Variants in HMCN2 observed in about 807,000 individuals in gnomAD.
The protein encoded by HMCN2 is hemicentin-2.
Under a neutral mutation model 377.5 loss-of-function variants are expected in HMCN2, and 325 were observed. The ratio of observed to expected loss-of-function variants is 0.86; its 90% CI spans 0.79 to 0.94. The LOEUF is 0.94. HMCN2 is among the 40% of genes least tolerant of loss of function. The probability of loss-of-function intolerance (pLI) is 0.00; values close to 1 mark genes in which losing one functional copy is unlikely to be tolerated. For synonymous variants in HMCN2, 2,007 were observed against 2,046.8 expected (o/e 0.98, Z 0.53); for missense variants, 4,543 against 4,725.3 (o/e 0.96, Z 1.13).
rs990174601 is a variant in HMCN2, at chr9:130,422,994, T to C, written c.13381+268T>C. Among the ~76,000 whole-genome samples, 1 of 151,954 alleles carries C rather than the reference T, an allele frequency of 6.6e-6. No homozygotes were observed. The highest frequency in any genetic ancestry group is 1.5e-5 in the Non-Finnish European group (1 of 67,960). On this transcript the variant is annotated intron_variant, in intron 87 of 97. Transcript: ENST00000683500. The surrounding 1 kb of genome is among the most constrained non-coding windows in gnomAD (Gnocchi z 4.2). Reference sequence around the variant, plus strand: ...GACCAAGAGTGTGTGAAACGGTCAGTGTTCTGGGGGTGCGGGCGCTCAGAT... The same window carrying C: ...GACCAAGAGTGTGTGAAACGGTCAGCGTTCTGGGGGTGCGGGCGCTCAGAT...
Position 130,306,104 on chromosome 9 carries a change from C to G in HMCN2, c.1817-25C>G, listed in dbSNP as rs1206458428. 3.0e-5 allele frequency: 14 copies of G among 470,626 alleles called. 1 individual carries two copies. Among genetic ancestry groups the G allele is most frequent in the Non-Finnish European group, 6.2e-5 (14 of 226,790 alleles). The allele number at this position is 470,626 out of a possible 1,614,324, so 29.2% of individuals were successfully genotyped here. Reference sequence around the variant, plus strand: ...ACGGCTGCTCTGATGGGCTCATCCTCGCCTATCCACTTTTTGGGTCACAGA... The same window carrying G: ...ACGGCTGCTCTGATGGGCTCATCCTGGCCTATCCACTTTTTGGGTCACAGA... On this transcript the variant is annotated intron_variant, in intron 11 of 97. Transcript: ENST00000683500.
At chr9:130,291,993 G>C (rs1018245653) in intron 4 of HMCN2, among the ~76,000 whole-genome samples, 1 of 148,522 alleles carries the variant, frequency 6.7e-6, no homozygotes, top group Non-Finnish European at 1.5e-5. Context: ...GGATTCTTCT[G>C]ATTATTTCCT....
chr9:130,345,689 G>A (rs1839357044), intron 25 of HMCN2, among the ~76,000 whole-genome samples: 1 of 151,932 alleles, frequency 6.6e-6, no homozygotes, highest in East Asian at 1.9e-4. Flanking sequence ...GCCCCTGGCG[G>A]TGGGACATTC....
In HMCN2 at chr9:130,396,158, C is replaced by A. The variant is rs775941278; in HGVS notation, c.11054-11C>A. 3.9e-5 allele frequency: 49 copies of A among 1,259,568 alleles called. 1 individual carries two copies. In the South Asian group the frequency reaches 6.0e-4, roughly 16 times the overall value. The allele number at this position is 1,259,568 out of a possible 1,614,324, so 78.0% of individuals were successfully genotyped here. On this transcript the variant is annotated splice_polypyrimidine_tract_variant and intron_variant, in intron 72 of 97. Coordinates refer to ENST00000683500, the MANE Select transcript of HMCN2 (RefSeq NM_001291815.2). The stretch of plus-strand genomic sequence containing the variant: ...AGCTCCCAGCACCACTCCCTCTGTG[C>A]CCCTCCCCAGCGGTGCCCACCATCC...
Position 130,308,750 on chromosome 9 carries a change from T to C in HMCN2, c.2201-1162T>C, listed in dbSNP as rs1427756792. ...TAAAAGGTGGCCTTGCCATGAAATA[T>C]TCTTCCATCTTCAGAAGGAAGGAGA... On this transcript the variant is annotated intron_variant, in intron 14 of 97. Transcript: ENST00000683500. This position sits in a 1 kb window ranked among gnomAD's most constrained non-coding sequence, Gnocchi z 4.1. Among the ~76,000 whole-genome samples, 1 of 152,220 alleles carries C rather than the reference T, an allele frequency of 6.6e-6. No individual in the cohort carries two copies. Among genetic ancestry groups the C allele is most frequent in the Non-Finnish European group, 1.5e-5 (1 of 68,042 alleles).
chr9:130,310,222 G>A (rs782156817), intron 15 of HMCN2, among the ~76,000 whole-genome samples, 161 bp downstream of exon 15: 12 of 152,208 alleles, frequency 7.9e-5, no homozygotes, highest in South Asian at 2.1e-4. Flanking sequence ...CAGGGGAGGC[G>A]GTGCATGCAT....
intron 8 of HMCN2, among the ~76,000 whole-genome samples, chr9:130,301,484 G>T (rs1490015784): frequency 6.6e-6 from 1 of 152,216 alleles, no homozygotes; most frequent in Non-Finnish European, 1.5e-5. Context: ...GTAGCAGGTG[G>T]CTCTGGGTTT....
At chr9:130,291,232 G>A (rs1588182155) in intron 4 of HMCN2, among the ~76,000 whole-genome samples, 1 of 152,230 alleles carries the variant, frequency 6.6e-6, no homozygotes, top group East Asian at 1.9e-4. Flanking sequence ...TGTTTGTGAT[G>A]GAGTTTTGCT....
intron 34 of HMCN2, among the ~76,000 whole-genome samples, chr9:130,357,059 A>AGGATGGATGGATGGATGGAT (rs201419400): frequency 1.9e-5 from 2 of 106,148 alleles, no homozygotes; most frequent in Middle Eastern, 4.4e-3. Context: ...GATAGAAGGG[A>AGGATGGATGGATGGATGGAT]GGATGGATGG....
Position 130,348,672 on chromosome 9 carries a change from G to A in HMCN2, c.4152G>A (p.Gln1384=), listed in dbSNP as rs1428751885. Residue 1384 remains glutamine, a synonymous_variant, in exon 27 of 98, where the codon CAG becomes CAA. Transcript: ENST00000683500. The stretch of plus-strand genomic sequence containing the variant: ...AGATCGTGTGGCTGAAGGACGCGCA[G>A]CTGGTGGGTGTCCCCCTAGGGTGGG... ...VPEIVWLKDA[Q]LIPKVGGHRL... is the part of the protein sequence containing the mutation. 7.7e-7 allele frequency: 1 copy of A among 1,304,014 alleles called. No homozygotes were observed. The highest frequency in any genetic ancestry group is 1.5e-5 in the African/African-American group (1 of 65,880). The allele number at this position is 1,304,014 out of a possible 1,614,324, so 80.8% of individuals were successfully genotyped here. A position where few individuals can be genotyped will look rare whatever the true frequency, so the allele number is the denominator to read the frequency against.
chr9:130,380,149 G>C (rs1404959314), intron 54 of HMCN2, among the ~76,000 whole-genome samples: 1 of 152,080 alleles, frequency 6.6e-6, no homozygotes, highest in Non-Finnish European at 1.5e-5. Context: ...CAACATGCTG[G>C]GATTATAGGC....
chr9:130,267,850 A>G (rs1164213750), intron 1 of HMCN2, among the ~76,000 whole-genome samples: 2 of 152,196 alleles, frequency 1.3e-5, no homozygotes, highest in East Asian at 3.9e-4. Flanking sequence ...TGGGCTGTGA[A>G]GTGTGTTCTG....
rs1588378134 is a variant in HMCN2, at chr9:130,391,579, G to A, written c.9952+5G>A. 6.1e-6 allele frequency: 6 copies of A among 986,832 alleles called. No homozygotes were observed. In the South Asian group the frequency reaches 1.4e-4, roughly 23 times the overall value. The allele number at this position is 986,832 out of a possible 1,614,324, so 61.1% of individuals were successfully genotyped here. A position where few individuals can be genotyped will look rare whatever the true frequency, so the allele number is the denominator to read the frequency against. On this transcript the variant is annotated splice_donor_5th_base_variant and intron_variant, in intron 65 of 97. Coordinates refer to ENST00000683500, the MANE Select transcript of HMCN2 (RefSeq NM_001291815.2). ...TGCACACGGTGAATGTGCTGGGTGA[G>A]GAGCCCCAGGGCATCTGGAGGGTGA...
intron 85 of HMCN2, among the ~76,000 whole-genome samples, chr9:130,413,991 CAAAAAAA>C (rs33963612): frequency 5.8e-5 from 8 of 137,084 alleles, no homozygotes; most frequent in African/African-American, 1.1e-4. Context: ...ACCAAAAATA[CAAAAAAA>C]AAAAAAAAAA....
intron 4 of HMCN2, among the ~76,000 whole-genome samples, chr9:130,288,767 C>T (rs1564750268): frequency 6.6e-6 from 1 of 152,176 alleles, no homozygotes. Flanking sequence ...GAGCATTTCA[C>T]TTTTTTTCAA....
chr9:130,359,271 C>G lies in HMCN2; in HGVS notation c.5678-48C>G, dbSNP rs150345560. The stretch of plus-strand genomic sequence containing the variant: ...GCTGGGATGGCTGGGATTAGAGCTG[C>G]CCAGAGCTTGCACCTACCAAGCTGG... On this transcript the variant is annotated intron_variant, in intron 36 of 97. Coordinates refer to ENST00000683500, the MANE Select transcript of HMCN2 (RefSeq NM_001291815.2). 7.4e-6 allele frequency: 8 copies of G among 1,078,348 alleles called. No homozygotes were observed. In the African/African-American group the frequency reaches 1.3e-4, roughly 17 times the overall value. The allele number at this position is 1,078,348 out of a possible 1,614,324, so 66.8% of individuals were successfully genotyped here. A position where few individuals can be genotyped will look rare whatever the true frequency, so the allele number is the denominator to read the frequency against.
At chr9:130,430,137 G>C (rs575417786) in intron 94 of HMCN2, 147 bp from the exon 95 acceptor site, 2 of 691,786 alleles carry the variant, frequency 2.9e-6, no homozygotes, top group East Asian at 2.7e-5. Flanking sequence ...GTCCGGGAGA[G>C]GGGGATGCAG....
chr9:130,409,208 A>G lies in HMCN2; in HGVS notation c.12879+275A>G, dbSNP rs138978457. Among the ~76,000 whole-genome samples, 891 of 152,344 alleles carry G rather than the reference A, an allele frequency of 5.8e-3. 6 individuals are homozygous for G. The highest frequency in any genetic ancestry group is 0.021 in the African/African-American group (859 of 41,578). On this transcript the variant is annotated intron_variant, in intron 84 of 97. Transcript: ENST00000683500. The stretch of plus-strand genomic sequence containing the variant: ...ATCAGTGAGATGTCTCATACCCATT[A>G]TTTAAGAGTGATCTGTGGGTAATGC...
intron 62 of HMCN2, among the ~76,000 whole-genome samples, chr9:130,389,757 T>G (rs899091473): frequency 6.6e-6 from 1 of 152,122 alleles, no homozygotes; most frequent in African/African-American, 2.4e-5. Context: ...GTATTTTTAG[T>G]AGAGATGGGG....
Sources: gnomAD v4.1 joint callset for allele counts (sites outside exome capture counted in the v4.1 genomes callset) on GRCh38, gnomAD v4.1.1 for gene constraint, Gnocchi (gnomAD v3.1) non-coding constraint, MANE v1.5 for transcripts, NCBI Gene and HGNC (gene_info 2026-07-23, HGNC 2026-07-21) for gene names.